Variants in ACOX2 observed in about 807,000 individuals in gnomAD.
The protein encoded by ACOX2 is peroxisomal acyl-coenzyme A oxidase 2.
Under a neutral mutation model 77.5 loss-of-function variants are expected in ACOX2, and 59 were observed. The ratio of observed to expected loss-of-function variants is 0.76; its 90% CI spans 0.62 to 0.95. ACOX2 has a LOEUF of 0.95. Among genes scored for constraint, ACOX2 ranks in the 40% least tolerant of loss-of-function variants. ACOX2 has a pLI of 0.00. For missense variants in ACOX2, 837 were observed against 880.4 expected (o/e 0.95, Z 0.62); for synonymous variants, 317 against 340.1 (o/e 0.93, Z 0.75).
intron 5 of ACOX2, among the ~76,000 whole-genome samples, chr3:58,532,955 C>T (rs912082486): frequency 3.3e-5 from 5 of 152,146 alleles, no homozygotes; most frequent in Admixed American, 1.3e-4. Flanking sequence ...GCAGGAGGTA[C>T]GGCGTTGGTG....
In ACOX2 at chr3:58,515,053, C is replaced by T. The variant is rs1372752973; in HGVS notation, c.1850+2153G>A. Among the ~76,000 whole-genome samples the T allele has an allele frequency of 2.6e-5, 4 of 151,890 alleles. No individual in the cohort carries two copies. Among genetic ancestry groups the T allele is most frequent in the Admixed American group, 6.6e-5 (1 of 15,252 alleles). On this transcript the variant is annotated intron_variant, in intron 13 of 14. Transcript: ENST00000302819. This position sits in a 1 kb window ranked among gnomAD's most constrained non-coding sequence, Gnocchi z 4.0. Reference sequence around the variant, plus strand: ...TTTTTTTTTTCTTGAGATGGAGTCTCACTCTTGTCGCCAAGGCTGGAGTGC... The same window carrying T: ...TTTTTTTTTTCTTGAGATGGAGTCTTACTCTTGTCGCCAAGGCTGGAGTGC...
chr3:58,524,770 G>A lies in ACOX2; in HGVS notation c.1347-165C>T, dbSNP rs529670764. Reference sequence around the variant, plus strand: ...GCCTCCCTCCTGAGGGTTCCCCCTCGGGCCGTCCTGCCTCGAGGCCCTCAG... The same window carrying A: ...GCCTCCCTCCTGAGGGTTCCCCCTCAGGCCGTCCTGCCTCGAGGCCCTCAG... On this transcript the variant is annotated intron_variant, in intron 10 of 14. Coordinates refer to ENST00000302819, the MANE Select transcript of ACOX2 (RefSeq NM_003500.4). This position sits in a 1 kb window ranked among gnomAD's most constrained non-coding sequence, Gnocchi z 5.5. 6.6e-6 allele frequency among the ~76,000 whole-genome samples: 1 copy of A among 152,184 alleles called. No homozygotes were observed. Among genetic ancestry groups the A allele is most frequent in the African/African-American group, 2.4e-5 (1 of 41,450 alleles).
chr3:58,528,732 G>C lies in ACOX2; in HGVS notation c.1155+62C>G. 1 of 1,516,956 alleles carries C rather than the reference G, an allele frequency of 6.6e-7. No individual in the cohort carries two copies. Among genetic ancestry groups the C allele is most frequent in the Non-Finnish European group, 8.8e-7 (1 of 1,131,438 alleles). 94.0% of individuals were successfully genotyped at this position (1,516,956 alleles called of 1,614,324 possible). A position where few individuals can be genotyped will look rare whatever the true frequency, so the allele number is the denominator to read the frequency against. ...GATGGGGCTGTGGCTGCTCCCCAGT[G>C]AGTGGAACAATCTTAGCTCCCAGCG... On this transcript the variant is annotated intron_variant, in intron 9 of 14. Coordinates refer to ENST00000302819, the MANE Select transcript of ACOX2 (RefSeq NM_003500.4). This position sits in a 1 kb window ranked among gnomAD's most constrained non-coding sequence, Gnocchi z 5.6.
chr3:58,518,533 C>CCGCATCT (rs1349064221), intron 12 of ACOX2, among the ~76,000 whole-genome samples: 2 of 152,192 alleles, frequency 1.3e-5, no homozygotes, highest in Admixed American at 6.5e-5. Context: ...TTTGAACAGT[C>CCGCATCT]CGCATCTCGT....
chr3:58,532,229 G>A (rs1040014880), intron 5 of ACOX2, among the ~76,000 whole-genome samples: 1 of 152,118 alleles, frequency 6.6e-6, no homozygotes, highest in Non-Finnish European at 1.5e-5. Flanking sequence ...CATTGGCCTG[G>A]AGGGGCAGAG....
rs142584671 is a variant in ACOX2 at position 58,535,004 on chromosome 3, G to T, written c.103C>A (p.Arg35=). ...ERYMQSFDVE[R]LTNILDGGAQ... ...CCTCCATCAAGGATGTTGGTGAGCC[G>T]TTCCACGTCAAAGGACTGCATATAC... The change falls in exon 2 of 15, where the codon CGG becomes AGG. Residue 35 remains arginine (R), a synonymous_variant. Transcript: ENST00000302819. The surrounding 1 kb of genome is among the most constrained non-coding windows in gnomAD (Gnocchi z 4.8). The T allele has an allele frequency of 6.2e-7, 1 of 1,614,072 alleles. No homozygotes were observed. The highest frequency in any genetic ancestry group is 8.5e-7 in the Non-Finnish European group (1 of 1,180,032).
rs1171468584 is a variant in ACOX2, at chr3:58,517,240, T to C, written c.1816A>G (p.Arg606Gly). 1 of 1,614,036 alleles carries C rather than the reference T, an allele frequency of 6.2e-7. No homozygotes were observed. Among genetic ancestry groups the C allele is most frequent in the African/African-American group, 1.3e-5 (1 of 74,922 alleles). The change falls in exon 13 of 15, where the codon AGA (arginine) becomes GGA (glycine). Residue 606 changes from arginine (R) to glycine (G), a missense_variant. Coordinates refer to ENST00000302819, the MANE Select transcript of ACOX2 (RefSeq NM_003500.4). ...CGGAGCAGGTCCAGGTAGGCTGTTC[T>C]TGCCATGTCCACTTGGGCACCAGAC... Reference protein sequence around the residue: ...FLSGAQVDMARTAYLDLLRLI... With the variant: ...FLSGAQVDMAGTAYLDLLRLI...
rs1444117500 is a variant in ACOX2, at chr3:58,523,691, C to T, written c.1526+735G>A. On this transcript the variant is annotated intron_variant, in intron 11 of 14. Coordinates refer to ENST00000302819, the MANE Select transcript of ACOX2 (RefSeq NM_003500.4). The surrounding 1 kb of genome is among the most constrained non-coding windows in gnomAD (Gnocchi z 5.3). ...CTCAAACTCCTGAGCTCAAGCAATC[C>T]GCCCACCTCGACCTCCCAAAGTGCT... Among the ~76,000 whole-genome samples, 1 of 151,984 alleles carries T rather than the reference C, an allele frequency of 6.6e-6. No homozygotes were observed. The highest frequency in any genetic ancestry group is 1.5e-5 in the Non-Finnish European group (1 of 68,014).
Position 58,524,523 on chromosome 3 carries a change from G to C in ACOX2, c.1429C>G (p.Leu477Val). The C allele has an allele frequency of 1.2e-6, 2 of 1,614,220 alleles. No homozygotes were observed. Among genetic ancestry groups the C allele is most frequent in the Non-Finnish European group, 1.7e-6 (2 of 1,180,042 alleles). The change falls in exon 11 of 15, where the codon CTC becomes GTC. Residue 477 changes from leucine to valine, a missense_variant. Transcript: ENST00000302819. This position sits in a 1 kb window ranked among gnomAD's most constrained non-coding sequence, Gnocchi z 5.5. ...QRSLSPSVAYLTAPDLARCPA... is the reference protein window; with the variant it reads ...QRSLSPSVAYVTAPDLARCPA... ...CACCTGGCCAGGTCAGGTGCGGTGA[G>C]ATATGCGACAGATGGAGAGAGAGAT... is the stretch of plus-strand genomic sequence containing the variant.
At chr3:58,530,402 G>C in intron 8 of ACOX2, 64 bp downstream of exon 8, 1 of 1,571,534 alleles carries the variant, frequency 6.4e-7, no homozygotes, top group Non-Finnish European at 8.6e-7. Flanking sequence ...GTGGTGTCAG[G>C]GGGAGGCACT....
rs2063383591 is a variant in ACOX2, at chr3:58,524,838, C to G, written c.1347-233G>C. Among the ~76,000 whole-genome samples the G allele has an allele frequency of 1.3e-5, 2 of 152,238 alleles. No homozygotes were observed. ...CCTGTGGAGCTGGGCCAGACACTCT[C>G]TGATCCTGAACATAAACCCTTCTGT... On this transcript the variant is annotated intron_variant, in intron 10 of 14. Coordinates refer to ENST00000302819, the MANE Select transcript of ACOX2 (RefSeq NM_003500.4). This position sits in a 1 kb window ranked among gnomAD's most constrained non-coding sequence, Gnocchi z 5.5.
chr3:58,507,581 T>C (rs879053786), intron 14 of ACOX2, among the ~76,000 whole-genome samples: 2 of 152,240 alleles, frequency 1.3e-5, no homozygotes, highest in Non-Finnish European at 2.9e-5. Flanking sequence ...GGCGGGTTTT[T>C]CTGTGGAGCA....
Position 58,517,348 on chromosome 3 carries a change from G to A in ACOX2, c.1708C>T (p.Gln570Ter). ...AGGTCACAGAGGCGCTTGAGCACCTGCTGAATCGCTGGTTCATTTTCTAGT... is the reference window on the plus strand; with the variant it reads ...AGGTCACAGAGGCGCTTGAGCACCTACTGAATCGCTGGTTCATTTTCTAGT... Reference protein sequence around the residue: ...EKLENEPAIQQVLKRLCDLHA... With the variant: ...EKLENEPAIQ The change falls in exon 13 of 15, where the codon CAG becomes TAG. Residue 570 changes from glutamine (Q) to a stop codon, truncating the protein, a stop_gained. Coordinates refer to ENST00000302819, the MANE Select transcript of ACOX2 (RefSeq NM_003500.4). LOFTEE classifies it high-confidence loss of function. 2 of 1,614,196 alleles carry A rather than the reference G, an allele frequency of 1.2e-6. No homozygotes were observed. The highest frequency in any genetic ancestry group is 1.7e-6 in the Non-Finnish European group (2 of 1,180,046).
chr3:58,534,943 T>G lies in ACOX2; in HGVS notation c.160+4A>C. The stretch of plus-strand genomic sequence containing the variant: ...AGATGTCCCATTCCCCAGCTTCCCC[T>G]TACCAACTTTCCTGCGGAGTGCAGT... On this transcript the variant is annotated splice_donor_region_variant and intron_variant, in intron 2 of 14. Transcript: ENST00000302819. This position sits in a 1 kb window ranked among gnomAD's most constrained non-coding sequence, Gnocchi z 4.8. The G allele has an allele frequency of 6.2e-7, 1 of 1,614,166 alleles. No individual in the cohort carries two copies. Among genetic ancestry groups the G allele is most frequent in the African/African-American group, 1.3e-5 (1 of 75,078 alleles).
chr3:58,510,399 G>A (rs1300824749), intron 13 of ACOX2, among the ~76,000 whole-genome samples: 2 of 151,606 alleles, frequency 1.3e-5, no homozygotes, highest in African/African-American at 4.9e-5. Flanking sequence ...TTGGGAGACC[G>A]AGGCAGATGG....
intron 13 of ACOX2, among the ~76,000 whole-genome samples, chr3:58,510,701 TATATATATACACAC>T (rs1390657143): frequency 9.2e-4 from 5 of 5,464 alleles, no homozygotes; most frequent in East Asian, 7.8e-3. Context: ...TATATATATA[TATATATATACACAC>T]ACACACACAC....
At chr3:58,517,184 G>A in intron 13 of ACOX2, 22 bp downstream of exon 13, 1 of 1,610,748 alleles carries the variant, frequency 6.2e-7, no homozygotes, top group Non-Finnish European at 8.5e-7. Flanking sequence ...GACTAACATG[G>A]TTTGAAGTCT....
At chr3:58,511,913 C>G (rs2107989166) in intron 13 of ACOX2, among the ~76,000 whole-genome samples, 1 of 152,348 alleles carries the variant, frequency 6.6e-6, no homozygotes, top group Admixed American at 6.5e-5. Context: ...AGAAATAGCT[C>G]TTGCCACGGT....
intron 14 of ACOX2, among the ~76,000 whole-genome samples, chr3:58,506,786 T>C (rs2063237476): frequency 6.6e-6 from 1 of 152,216 alleles, no homozygotes; most frequent in Non-Finnish European, 1.5e-5. Context: ...AGCGAGACTC[T>C]GTCTCAAAAA....
Sources: gnomAD v4.1 joint callset for allele counts (sites outside exome capture counted in the v4.1 genomes callset) on GRCh38, gnomAD v4.1.1 for gene constraint, Gnocchi (gnomAD v3.1) non-coding constraint, MANE v1.5 for transcripts, NCBI Gene and HGNC (gene_info 2026-07-23, HGNC 2026-07-21) for gene names.